The following PKP2 variants were observed in gnomAD, a reference collection of about 807,000 sequenced individuals.
The protein encoded by PKP2 is plakophilin-2.
A neutral mutation model predicts 83.4 loss-of-function variants in PKP2; 73 were observed. The observed-to-expected ratio is 0.88, with a 90% CI of 0.72 to 1.06. The LOEUF (loss-of-function observed/expected upper bound fraction) is 1.06, where lower values mean the gene tolerates loss of function less well. PKP2 is among the 50% of genes least tolerant of loss of function. The pLI is 0.00. For missense variants in PKP2, 966 were observed against 1,065.4 expected (o/e 0.91, Z 1.30); for synonymous variants, 409 against 430.4 (o/e 0.95, Z 0.62).
chr12:32,887,663 G>GCTGGCCTCAAACTC (rs1957041829), intron 1 of PKP2, among the ~76,000 whole-genome samples: 12 of 152,130 alleles, frequency 7.9e-5, no homozygotes, highest in Admixed American at 7.9e-4. Context: ...TGTTGGCCAG[G>GCTGGCCTCAAACTC]CTGGCCTCAA....
chr12:32,841,190 A>G lies in PKP2; in HGVS notation c.1394T>C (p.Leu465Ser), dbSNP rs374163198. 3.7e-6 allele frequency: 6 copies of G among 1,613,352 alleles called. No homozygotes were observed. Among genetic ancestry groups the G allele is most frequent in the Non-Finnish European group, 5.1e-6 (6 of 1,179,546 alleles). The change falls in exon 6 of 13, where the codon TTG becomes TCG. Residue 465 changes from leucine (L) to serine (S), a missense_variant. Physicochemically the swap from Leu to Ser is moderately radical, Grantham distance 145 (BLOSUM62 -2). Transcript: ENST00000340811. ...KKQITGLLWN[L>S]SSNDKLKNLM... is the part of the protein sequence containing the mutation. The stretch of plus-strand genomic sequence containing the variant: ...ATTCTTGAGTTTGTCATTAGATGAC[A>G]AATTCCACAGCAAACCTAGAAAAGC...
At chr12:32,817,955 T>C (rs1956335409) in intron 9 of PKP2, among the ~76,000 whole-genome samples, 1 of 152,116 alleles carries the variant, frequency 6.6e-6, no homozygotes, top group Non-Finnish European at 1.5e-5. Flanking sequence ...AACCCTATTG[T>C]GAACCGCACA....
chr12:32,885,668 C>T (rs1035375596), intron 1 of PKP2, among the ~76,000 whole-genome samples: 15 of 150,898 alleles, frequency 9.9e-5, no homozygotes, highest in South Asian at 2.1e-4. Flanking sequence ...CGTCCCCCCC[C>T]CAAAAAAAAA....
At chr12:32,871,157 A>G (rs1381399372) in intron 3 of PKP2, among the ~76,000 whole-genome samples, 1 of 151,828 alleles carries the variant, frequency 6.6e-6, no homozygotes, top group Non-Finnish European at 1.5e-5. Flanking sequence ...CACCCCTCCA[A>G]TCACACCAGG....
At chr12:32,828,782 G>A (rs928823880) in intron 6 of PKP2, among the ~76,000 whole-genome samples, 20 of 152,124 alleles carry the variant, frequency 1.3e-4, no homozygotes, top group Non-Finnish European at 2.8e-4. Context: ...GCTGGCCTGG[G>A]GAAACAATGA....
At chr12:32,810,027 C>T (rs1158671069) in intron 9 of PKP2, among the ~76,000 whole-genome samples, 1 of 152,214 alleles carries the variant, frequency 6.6e-6, no homozygotes, top group East Asian at 1.9e-4. Flanking sequence ...GCCCCCATCT[C>T]AACAATAGCT....
intron 1 of PKP2, among the ~76,000 whole-genome samples, chr12:32,887,653 T>C (rs1006796032): frequency 1.3e-5 from 2 of 152,140 alleles, no homozygotes; most frequent in Admixed American, 6.5e-5. Flanking sequence ...GGTTTTGCCA[T>C]GTTGGCCAGG....
At chr12:32,868,126 C>T (rs1956865155) in intron 4 of PKP2, among the ~76,000 whole-genome samples, 2 of 152,294 alleles carry the variant, frequency 1.3e-5, no homozygotes, top group South Asian at 4.1e-4. Context: ...TGTGTAGTGA[C>T]TTACTTTCTA....
chr12:32,892,165 A>G (rs967715334), intron 1 of PKP2, among the ~76,000 whole-genome samples: 1 of 151,952 alleles, frequency 6.6e-6, no homozygotes, highest in Non-Finnish European at 1.5e-5. Flanking sequence ...CTTGCTCCCC[A>G]GAATTGCTTC....
chr12:32,793,504 C>T (rs1314312015), intron 11 of PKP2, among the ~76,000 whole-genome samples: 1 of 151,478 alleles, frequency 6.6e-6, no homozygotes, highest in African/African-American at 2.4e-5. Context: ...CTTGTTAAAG[C>T]AGTTTCAAAA....
chr12:32,845,765 C>A (rs541332865), intron 5 of PKP2, among the ~76,000 whole-genome samples: 1 of 151,984 alleles, frequency 6.6e-6, no homozygotes. Context: ...TCTTTTTAAC[C>A]GTGTTTTTCA....
At chr12:32,810,553 G>A (rs1470931189) in intron 9 of PKP2, among the ~76,000 whole-genome samples, 3 of 152,210 alleles carry the variant, frequency 2.0e-5, no homozygotes, top group African/African-American at 7.2e-5. Flanking sequence ...GCACACTGCT[G>A]GTAGCTAGCA....
intron 11 of PKP2, chr12:32,792,998 C>G (rs1956085916): frequency 2.4e-6 from 1 of 425,022 alleles, no homozygotes; most frequent in Non-Finnish European, 4.4e-6. Context: ...CGCCTGTAAT[C>G]CCAGCACTTT....
intron 1 of PKP2, chr12:32,893,862 T>C (rs1234689332): frequency 1.3e-5 from 2 of 151,874 alleles, no homozygotes; most frequent in East Asian, 3.9e-4. Context: ...ATTTTTGAGA[T>C]CTACCTCCAG....
chr12:32,843,212 A>C (rs771804771), intron 5 of PKP2: 1 of 617,462 alleles, frequency 1.6e-6, no homozygotes, highest in South Asian at 1.4e-5. Flanking sequence ...CGAACTCCTG[A>C]CCTCGTGATC....
intron 6 of PKP2, among the ~76,000 whole-genome samples, chr12:32,826,430 AC>A (rs2137792137): frequency 6.6e-6 from 1 of 152,302 alleles, no homozygotes; most frequent in African/African-American, 2.4e-5. Context: ...GACTGTTTTA[AC>A]CCTCAAAAAT....
chr12:32,825,152 A>G (rs1161896058), intron 6 of PKP2, among the ~76,000 whole-genome samples: 1 of 149,650 alleles, frequency 6.7e-6, no homozygotes, highest in South Asian at 2.1e-4. Flanking sequence ...AAAATGTATC[A>G]GATCAGTTTC....
At chr12:32,895,289 CT>C in intron 1 of PKP2, among the ~76,000 whole-genome samples, 1 of 152,254 alleles carries the variant, frequency 6.6e-6, no homozygotes, top group East Asian at 1.9e-4. Context: ...CATTGAACAT[CT>C]TCTCTTTACC....
At chr12:32,840,583 G>A (rs953957214) in intron 6 of PKP2, among the ~76,000 whole-genome samples, 2 of 152,142 alleles carry the variant, frequency 1.3e-5, no homozygotes, top group African/African-American at 2.4e-5. Context: ...ACAAGTGTGA[G>A]CCACCGCACC....
Sources: gnomAD v4.1 joint callset for allele counts (sites outside exome capture counted in the v4.1 genomes callset) on GRCh38, gnomAD v4.1.1 for gene constraint, MANE v1.5 for transcripts, NCBI Gene and HGNC (gene_info 2026-07-23, HGNC 2026-07-21) for gene names.